FSTL5: variants seen among roughly 807,000 people sequenced by gnomAD.
FSTL5 encodes follistatin-related protein 5.
FSTL5 carries 62 observed loss-of-function variants against 89.1 expected under a neutral mutation model. That is an observed-to-expected ratio of 0.70 (90% CI 0.57 to 0.86). The LOEUF is 0.86. FSTL5 is among the 40% of genes least tolerant of loss of function. The pLI is 0.00. For missense variants in FSTL5, 1,057 were observed against 1,001.6 expected (o/e 1.06, Z -0.75); for synonymous variants, 383 against 346.2 (o/e 1.11, Z -1.18).
At chr4:161,458,914 C>T (rs1161771004) in intron 14 of FSTL5, among the ~76,000 whole-genome samples, 1 of 152,158 alleles carries the variant, frequency 6.6e-6, no homozygotes, top group African/African-American at 2.4e-5. Context: ...CTTGCCTTAC[C>T]AAAATTGTTA....
chr4:161,620,587 T>C (rs1346429299), intron 7 of FSTL5, among the ~76,000 whole-genome samples: 1 of 151,676 alleles, frequency 6.6e-6, no homozygotes, highest in Non-Finnish European at 1.5e-5. Context: ...ACGCGAAGGG[T>C]GGAGGTTGAG....
chr4:162,089,992 G>T (rs1201081664), intron 2 of FSTL5, among the ~76,000 whole-genome samples: 2 of 152,030 alleles, frequency 1.3e-5, no homozygotes, highest in East Asian at 1.9e-4. Context: ...AAGCAATGGG[G>T]AAAGACTCTC....
At chr4:161,858,845 A>G (rs1731807194) in intron 4 of FSTL5, among the ~76,000 whole-genome samples, 1 of 152,146 alleles carries the variant, frequency 6.6e-6, no homozygotes, top group Admixed American at 6.5e-5. Context: ...TTCAGTCACA[A>G]ACTTTTGTTA....
At chr4:161,869,004 C>T (rs1050143883) in intron 4 of FSTL5, among the ~76,000 whole-genome samples, 1 of 152,062 alleles carries the variant, frequency 6.6e-6, no homozygotes, top group African/African-American at 2.4e-5. Flanking sequence ...GGCGGATCAC[C>T]TGAGGTCAGG....
chr4:161,542,508 G>GA (rs60655417), intron 9 of FSTL5, 24 bp downstream of exon 9: 234,819 of 1,354,336 alleles, frequency 0.17, 21,869 homozygotes, highest in East Asian at 0.37. Context: ...TCATTTAAGA[G>GA]AAAAAAAAGC....
chr4:161,958,255 A>G (rs1735077852), intron 3 of FSTL5, among the ~76,000 whole-genome samples: 1 of 152,088 alleles, frequency 6.6e-6, no homozygotes, highest in South Asian at 2.1e-4. Flanking sequence ...ATGTAAAATA[A>G]GTTATAATAT....
At chr4:161,906,741 T>C (rs1733540777) in intron 4 of FSTL5, among the ~76,000 whole-genome samples, 1 of 152,172 alleles carries the variant, frequency 6.6e-6, no homozygotes, top group Admixed American at 6.6e-5. Flanking sequence ...TATACGATAA[T>C]GTCCAGATGT....
intron 2 of FSTL5, among the ~76,000 whole-genome samples, chr4:162,074,795 T>C (rs1197435937): frequency 6.6e-6 from 1 of 151,756 alleles, no homozygotes; most frequent in Non-Finnish European, 1.5e-5. Context: ...TACTGATAAA[T>C]ATATGCTGAA....
chr4:161,452,890 A>C (rs13150613), intron 15 of FSTL5, among the ~76,000 whole-genome samples: 35,684 of 152,162 alleles, frequency 0.23, 4,225 homozygotes, highest in South Asian at 0.31. Context: ...ACTCTTTTTC[A>C]TAATATATAG....
At chr4:161,468,283 T>A (rs78397763) in intron 13 of FSTL5, among the ~76,000 whole-genome samples, 7,298 of 151,360 alleles carry the variant, frequency 0.048, 551 homozygotes, top group African/African-American at 0.17. Flanking sequence ...ATATTTGATA[T>A]GTTGCTTTTG....
intron 10 of FSTL5, among the ~76,000 whole-genome samples, chr4:161,522,749 A>AC (rs1175163973): frequency 2.0e-5 from 3 of 151,756 alleles, no homozygotes; most frequent in African/African-American, 7.2e-5. Flanking sequence ...ATACCTAGAT[A>AC]CAAGAATAAA....
At chr4:161,498,379 A>C (rs11100371) in intron 12 of FSTL5, among the ~76,000 whole-genome samples, 26,247 of 152,098 alleles carry the variant, frequency 0.17, 2,691 homozygotes, top group African/African-American at 0.29. Flanking sequence ...GCTGTCAAGA[A>C]ATGTTCTGGG....
chr4:161,475,299 T>TA (rs1734098527), intron 13 of FSTL5, among the ~76,000 whole-genome samples: 1 of 152,186 alleles, frequency 6.6e-6, no homozygotes, highest in Non-Finnish European at 1.5e-5. Context: ...TTTCTTCAAA[T>TA]TTGGAAAGTT....
At chr4:161,765,496 TG>T (rs1281024941) in intron 5 of FSTL5, among the ~76,000 whole-genome samples, 1 of 152,226 alleles carries the variant, frequency 6.6e-6, no homozygotes, top group Non-Finnish European at 1.5e-5. Context: ...AAAGATTAAC[TG>T]TTCATTTCCC....
At chr4:161,771,314 C>A (rs185501350) in intron 5 of FSTL5, among the ~76,000 whole-genome samples, 1 of 152,186 alleles carries the variant, frequency 6.6e-6, no homozygotes, top group Admixed American at 6.5e-5. Context: ...ATCATGCTTT[C>A]TATGTGCTAG....
chr4:161,755,952 A>G (rs1441275440), intron 6 of FSTL5, among the ~76,000 whole-genome samples: 1 of 152,046 alleles, frequency 6.6e-6, no homozygotes, highest in Non-Finnish European at 1.5e-5. Context: ...GGAGAGAGAT[A>G]AAGAAATCGA....
intron 5 of FSTL5, among the ~76,000 whole-genome samples, chr4:161,764,409 C>G (rs979905838): frequency 1.3e-5 from 2 of 152,030 alleles, no homozygotes; most frequent in African/African-American, 4.8e-5. Flanking sequence ...CAGGCTCCCA[C>G]CACCACGCCC....
At chr4:161,675,183 T>C (rs565367659) in intron 6 of FSTL5, among the ~76,000 whole-genome samples, 1 of 152,228 alleles carries the variant, frequency 6.6e-6, no homozygotes, top group East Asian at 1.9e-4. Flanking sequence ...ATTATTTAAC[T>C]ACTTACTCTC....
chr4:161,953,631 A>G (rs1734955841), intron 3 of FSTL5, among the ~76,000 whole-genome samples: 1 of 151,606 alleles, frequency 6.6e-6, no homozygotes, highest in African/African-American at 2.4e-5. Flanking sequence ...GCAAATAATC[A>G]TTTTATATTA....
Sources: gnomAD v4.1 joint callset for allele counts (sites outside exome capture counted in the v4.1 genomes callset) on GRCh38, gnomAD v4.1.1 for gene constraint, MANE v1.5 for transcripts, NCBI Gene and HGNC (gene_info 2026-07-23, HGNC 2026-07-21) for gene names.